Variants in IL1RAPL2 observed in about 807,000 individuals in gnomAD.
IL1RAPL2 encodes interleukin 1 receptor accessory protein like 2.
In IL1RAPL2, 3 loss-of-function variants were observed where a neutral mutation model predicts 44.1. The ratio of observed to expected loss-of-function variants is 0.07; its 90% CI spans 0.03 to 0.18. IL1RAPL2 has a LOEUF of 0.18. IL1RAPL2 is among the 10% of genes least tolerant of loss of function. The probability of loss-of-function intolerance (pLI) is 1.00; values close to 1 mark genes in which losing one functional copy is unlikely to be tolerated. For synonymous variants in IL1RAPL2, 181 were observed against 178.8 expected (o/e 1.01, Z -0.10); for missense variants, 391 against 496.4 (o/e 0.79, Z 2.02).
intron 2 of IL1RAPL2, among the ~76,000 whole-genome samples, chrX:105,163,889 C>G (rs141018444): frequency 3.7e-4 from 41 of 111,000 alleles, no homozygotes; most frequent in African/African-American, 1.2e-3. Flanking sequence ...TTTGATTGCA[C>G]CCCCTCCACT....
At position 105,221,118 on chromosome X, in the gene IL1RAPL2, G is replaced by C. The variant is rs184797335; in HGVS notation, c.357-12700G>C. ...TTTTTCTGAAACGGGCAAGATAGCAGGCATTTGAGGCTTTGTGGGCAAAAG... is the reference window on the plus strand; with the variant it reads ...TTTTTCTGAAACGGGCAAGATAGCACGCATTTGAGGCTTTGTGGGCAAAAG... On this transcript the variant is annotated intron_variant, in intron 3 of 10. Coordinates refer to ENST00000372582, the MANE Select transcript of IL1RAPL2 (RefSeq NM_017416.2). 5.1e-4 allele frequency among the ~76,000 whole-genome samples: 57 copies of C among 111,919 alleles called. 1 individual carries two copies. Among genetic ancestry groups the C allele is most frequent in the African/African-American group, 1.8e-3 (56 of 30,839 alleles).
intron 8 of IL1RAPL2, among the ~76,000 whole-genome samples, chrX:105,747,526 A>ATCAGTG (rs2038557929): frequency 1.2e-5 from 1 of 84,359 alleles, no homozygotes; most frequent in African/African-American, 3.9e-5. Context: ...GTATATATAT[A>ATCAGTG]TATATATATA....
At chrX:104,889,297 C>T (rs1052989355) in intron 2 of IL1RAPL2, among the ~76,000 whole-genome samples, 7 of 111,293 alleles carry the variant, frequency 6.3e-5, no homozygotes, top group African/African-American at 1.6e-4. Context: ...GGTTCCTAGT[C>T]GATACAAAAC....
intron 5 of IL1RAPL2, among the ~76,000 whole-genome samples, chrX:105,370,938 C>G (rs932506744): frequency 8.9e-6 from 1 of 112,092 alleles, no homozygotes; most frequent in Non-Finnish European, 1.9e-5. Context: ...GTCATTCTGA[C>G]TGGTGTGAGA....
intron 1 of IL1RAPL2, among the ~76,000 whole-genome samples, chrX:104,573,436 G>T (rs1326830839): frequency 8.9e-6 from 1 of 112,004 alleles, no homozygotes; most frequent in Non-Finnish European, 1.9e-5. Flanking sequence ...AGTTCTACTG[G>T]ACAGCACTAT....
chrX:104,725,246 G>A (rs918520229), intron 2 of IL1RAPL2, among the ~76,000 whole-genome samples: 3 of 111,742 alleles, frequency 2.7e-5, no homozygotes, highest in Non-Finnish European at 5.6e-5. Flanking sequence ...GTATTCCATG[G>A]TGTATATGTG....
chrX:104,718,757 A>G (rs967969559), intron 2 of IL1RAPL2, among the ~76,000 whole-genome samples: 2 of 111,554 alleles, frequency 1.8e-5, no homozygotes, highest in African/African-American at 6.5e-5. Context: ...CCCATGGTAT[A>G]TGCAGCCTCA....
chrX:104,660,564 A>T (rs1339230978), intron 2 of IL1RAPL2, among the ~76,000 whole-genome samples: 7 of 90,599 alleles, frequency 7.7e-5, no homozygotes, highest in Non-Finnish European at 1.5e-4. Context: ...ATATATATTT[A>T]TATATATAAA....
At chrX:105,665,924 G>A (rs1473166776) in intron 6 of IL1RAPL2, among the ~76,000 whole-genome samples, 6 of 107,174 alleles carry the variant, frequency 5.6e-5, no homozygotes, top group Non-Finnish European at 1.2e-4. Context: ...CACCACGCCC[G>A]GCTAATTTTT....
intron 2 of IL1RAPL2, among the ~76,000 whole-genome samples, chrX:105,016,159 A>G (rs1055094396): frequency 3.6e-5 from 4 of 111,555 alleles, no homozygotes; most frequent in African/African-American, 1.3e-4. Flanking sequence ...TTGCACATTG[A>G]TTTATTATCC....
chrX:105,224,857 A>G (rs782719163), intron 3 of IL1RAPL2, among the ~76,000 whole-genome samples: 4 of 111,809 alleles, frequency 3.6e-5, no homozygotes, highest in African/African-American at 1.3e-4. Flanking sequence ...CTTGTTCTTA[A>G]TAGAAACATC....
intron 2 of IL1RAPL2, among the ~76,000 whole-genome samples, chrX:104,766,875 C>A (rs959863810): frequency 8.9e-6 from 1 of 112,177 alleles, no homozygotes; most frequent in East Asian, 2.8e-4. Flanking sequence ...ACTGAACAAT[C>A]AACAGTCTCT....
At chrX:105,034,615 G>A (rs2031586189) in intron 2 of IL1RAPL2, among the ~76,000 whole-genome samples, 1 of 111,817 alleles carries the variant, frequency 8.9e-6, no homozygotes, top group Admixed American at 9.5e-5. Context: ...TTGTCTCAGA[G>A]GAGTACCCGG....
chrX:104,807,518 A>G (rs1198080852), intron 2 of IL1RAPL2, among the ~76,000 whole-genome samples: 1 of 111,813 alleles, frequency 8.9e-6, no homozygotes, highest in Non-Finnish European at 1.9e-5. Flanking sequence ...AAAATGCTCA[A>G]TATACAATAA....
chrX:105,587,297 G>T (rs2037135942), intron 6 of IL1RAPL2, among the ~76,000 whole-genome samples: 1 of 110,274 alleles, frequency 9.1e-6, no homozygotes, highest in Admixed American at 9.7e-5. Flanking sequence ...CTATAGTTAG[G>T]TCTACTTTTC....
intron 2 of IL1RAPL2, among the ~76,000 whole-genome samples, chrX:104,691,139 T>C (rs142607464): frequency 8.9e-6 from 1 of 112,398 alleles, no homozygotes; most frequent in Non-Finnish European, 1.9e-5. Context: ...AGGCTTTTAA[T>C]TAATAAGGCT....
At chrX:104,793,842 C>G (rs369439659) in intron 2 of IL1RAPL2, among the ~76,000 whole-genome samples, 2 of 111,529 alleles carry the variant, frequency 1.8e-5, no homozygotes, top group Non-Finnish European at 3.8e-5. Context: ...ATGGTACCAC[C>G]GTAACTCTGA....
intron 1 of IL1RAPL2, among the ~76,000 whole-genome samples, chrX:104,638,160 C>G (rs1278413455): frequency 1.8e-5 from 2 of 111,039 alleles, no homozygotes; most frequent in African/African-American, 3.3e-5. Flanking sequence ...TATAGGTATT[C>G]TTAATAGTCT....
chrX:104,613,898 T>C (rs752793460), intron 1 of IL1RAPL2, among the ~76,000 whole-genome samples: 15 of 107,463 alleles, frequency 1.4e-4, no homozygotes, highest in African/African-American at 4.4e-4. Flanking sequence ...AGAGTTTCAA[T>C]TTCTTCCTGA....
Sources: gnomAD v4.1 joint callset for allele counts (sites outside exome capture counted in the v4.1 genomes callset) on GRCh38, gnomAD v4.1.1 for gene constraint, MANE v1.5 for transcripts, NCBI Gene and HGNC (gene_info 2026-07-23, HGNC 2026-07-21) for gene names.